The following DNAJA4 variants were observed in gnomAD, a reference collection of about 807,000 sequenced individuals.
DNAJA4 encodes dnaJ homolog subfamily A member 4.
A neutral mutation model predicts 39.7 loss-of-function variants in DNAJA4; 32 were observed. The observed-to-expected ratio is 0.81, with a 90% CI of 0.61 to 1.08. DNAJA4 has a LOEUF of 1.08. Ranked by LOEUF, DNAJA4 falls within the 50% of genes least tolerant of loss-of-function variation. The pLI, the probability that DNAJA4 is intolerant of heterozygous loss-of-function variation, is 0.00. For missense variants in DNAJA4, 439 were observed against 505.1 expected (o/e 0.87, Z 1.25); for synonymous variants, 184 against 182.4 (o/e 1.01, Z -0.07).
chr15:78,267,848 C>T (rs184019098), intron 1 of DNAJA4, among the ~76,000 whole-genome samples: 17 of 152,246 alleles, frequency 1.1e-4, no homozygotes, highest in African/African-American at 3.4e-4. Context: ...CAAGTTGTTA[C>T]GTAGTCTTCA....
At chr15:78,264,151 A>T, upstream of DNAJA4, 1 of 463,852 alleles carries the variant, frequency 2.2e-6, no homozygotes, top group Non-Finnish European at 3.6e-6. Context: ...TCCCAGTCCC[A>T]CCCTTCGGCG....
intron 4 of DNAJA4, 100 bp downstream of exon 4, chr15:78,274,524 C>A: frequency 9.8e-7 from 1 of 1,018,902 alleles, no homozygotes; most frequent in Non-Finnish European, 1.5e-6. Context: ...TGAGCTGTAT[C>A]ACAACATGTA....
chr15:78,264,943 T>G, intron 1 of DNAJA4, 48 bp downstream of exon 1: 2 of 1,508,726 alleles, frequency 1.3e-6, no homozygotes, highest in East Asian at 2.7e-5. Context: ...GGGCCAAGGG[T>G]TATTAAGCCA....
intron 4 of DNAJA4, 167 bp from the exon 5 acceptor site, chr15:78,275,331 T>A (rs866297560): frequency 5.5e-5 from 33 of 603,950 alleles, no homozygotes; most frequent in African/African-American, 5.2e-4. Context: ...GCGGGACCTC[T>A]TCTGTCATTG....
rs1370337086 is a variant in DNAJA4, at chr15:78,270,408, C to G, written c.133-89C>G. The G allele has an allele frequency of 6.5e-6, 9 of 1,393,058 alleles. No homozygotes were observed. In the Admixed American group the frequency reaches 1.6e-4, roughly 25 times the overall value. 86.3% of individuals were successfully genotyped at this position (1,393,058 alleles called of 1,614,324 possible). A position where few individuals can be genotyped will look rare whatever the true frequency, so the allele number is the denominator to read the frequency against. ...GTTCAAGGGTTTGGGGGCAGAATAC[C>G]TCTATTACTTTGTATGTTTATATGG... is the stretch of plus-strand genomic sequence containing the variant. On this transcript the variant is annotated intron_variant, in intron 1 of 6. Transcript: ENST00000394852.
rs1256816567 is a variant in DNAJA4, at chr15:78,273,160, T to C, written c.379T>C (p.Leu127=). 2 of 1,605,862 alleles carry C rather than the reference T, an allele frequency of 1.2e-6. No individual in the cohort carries two copies. Among genetic ancestry groups the C allele is most frequent in the East Asian group, 2.2e-5 (1 of 44,836 alleles). The change falls in exon 3 of 7, where the codon TTG becomes CTG. Residue 127 remains leucine (L), a synonymous_variant. Transcript: ENST00000394852. ...TCTATATAATGGAGTCACGAAGAAA[T>C]TGGCCCTCCAGAAAAATGTAATTTG... The part of the protein sequence containing the change: ...EDLYNGVTKK[L]ALQKNVICEK...
chr15:78,271,049 T>TCAAA (rs35220396), intron 2 of DNAJA4, among the ~76,000 whole-genome samples: 59,210 of 150,542 alleles, frequency 0.39, 11,778 homozygotes, highest in East Asian at 0.53. Flanking sequence ...AGACCCTGTC[T>TCAAA]CAAACAAACA....
intron 2 of DNAJA4, 69 bp from the exon 3 acceptor site, chr15:78,273,026 A>G: frequency 4.4e-6 from 4 of 902,974 alleles, no homozygotes; most frequent in Non-Finnish European, 7.3e-6. Context: ...ACTAAGGGTC[A>G]TATGGGTGGT....
chr15:78,266,314 A>G, intron 1 of DNAJA4: 6 of 1,606,008 alleles, frequency 3.7e-6, no homozygotes, highest in Non-Finnish European at 5.1e-6. Context: ...GCCTCTGTGT[A>G]TACAGTTAGA....
intron 5 of DNAJA4, chr15:78,278,379 T>C (rs554771983): frequency 4.4e-4 from 194 of 439,288 alleles, no homozygotes; most frequent in Middle Eastern, 2.0e-3. Context: ...ATGCATTGTT[T>C]GGCGATGTCG....
upstream of DNAJA4, chr15:78,264,549 A>G: frequency 3.3e-6 from 4 of 1,213,396 alleles, no homozygotes; most frequent in Non-Finnish European, 4.1e-6. Flanking sequence ...GCCGCGGAGG[A>G]GCCGGTGGCT....
At position 78,270,601 on chromosome 15, in the gene DNAJA4, C is replaced by T. The variant is rs1439718124; in HGVS notation, c.237C>T (p.Ser79=). The T allele has an allele frequency of 1.2e-6, 2 of 1,614,066 alleles. No individual in the cohort carries two copies. Among genetic ancestry groups the T allele is most frequent in the Non-Finnish European group, 1.7e-6 (2 of 1,180,048 alleles). Residue 79 remains serine (S), a synonymous_variant, in exon 2 of 7, where the codon AGC becomes AGT. Transcript: ENST00000394852. ...CAATTAAAGAAGGAGGCTCAGGCAG[C>T]CCCAGCTTCTCTTCACCCATGGACA... is the stretch of plus-strand genomic sequence containing the variant. ...EQAIKEGGSG[S]PSFSSPMDIF...
At chr15:78,277,922 G>GTT in intron 5 of DNAJA4, 1 of 388,150 alleles carries the variant, frequency 2.6e-6, no homozygotes, top group South Asian at 2.0e-5. Context: ...TGTCCTTTTT[G>GTT]TTTTGTTTTT....
chr15:78,270,762 A>G, intron 2 of DNAJA4, 85 bp downstream of exon 2: 1 of 1,449,356 alleles, frequency 6.9e-7, no homozygotes, highest in South Asian at 1.4e-5. Flanking sequence ...TCATGCTTTA[A>G]AAGGATATGA....
chr15:78,267,751 C>G (rs1259359958), intron 1 of DNAJA4, among the ~76,000 whole-genome samples: 2 of 152,210 alleles, frequency 1.3e-5, no homozygotes, highest in African/African-American at 4.8e-5. Flanking sequence ...TCCAAGCTTT[C>G]CCCAGTATGA....
chr15:78,276,783 C>T (rs1372898257), intron 5 of DNAJA4, among the ~76,000 whole-genome samples: 1 of 152,194 alleles, frequency 6.6e-6, no homozygotes, highest in African/African-American at 2.4e-5. Context: ...AGGGAGGTAA[C>T]CACCAATAAG....
At chr15:78,274,589 C>T (rs2049394825) in intron 4 of DNAJA4, 165 bp downstream of exon 4, 1 of 660,962 alleles carries the variant, frequency 1.5e-6, no homozygotes, top group Admixed American at 2.5e-5. Context: ...CCCTTCCTGG[C>T]CTTATTTCCA....
At chr15:78,264,560 C>G (rs2049060302), upstream of DNAJA4, 2 of 1,215,510 alleles carry the variant, frequency 1.6e-6, no homozygotes, top group South Asian at 4.0e-5. Flanking sequence ...GCCGGTGGCT[C>G]TAGTGCGGTG....
chr15:78,267,199 T>TG (rs71148511), intron 1 of DNAJA4, among the ~76,000 whole-genome samples: 19 of 149,648 alleles, frequency 1.3e-4, no homozygotes, highest in South Asian at 4.1e-4. Context: ...TGTGAGTGTG[T>TG]ATGTGAGTGT....
Sources: gnomAD v4.1 joint callset for allele counts (sites outside exome capture counted in the v4.1 genomes callset) on GRCh38, gnomAD v4.1.1 for gene constraint, MANE v1.5 for transcripts, NCBI Gene and HGNC (gene_info 2026-07-23, HGNC 2026-07-21) for gene names.